PIN1: variants seen among roughly 807,000 people sequenced by gnomAD.
PIN1 encodes the protein peptidylprolyl cis/trans isomerase, NIMA-interacting 1.
PIN1 carries 8 observed loss-of-function variants against 19.9 expected under a neutral mutation model. The observed-to-expected ratio is 0.40, with a 90% CI of 0.24 to 0.72. The LOEUF is 0.72. PIN1 is among the 30% of genes least tolerant of loss of function. The pLI is 0.37. For missense variants in PIN1, 185 were observed against 226.5 expected (o/e 0.82, Z 1.18); for synonymous variants, 86 against 90.8 (o/e 0.95, Z 0.30).
At position 9,849,403 on chromosome 19, in the gene PIN1, C is replaced by T. The variant is rs182032317; in HGVS notation, c.*204C>T. Reference sequence around the variant, plus strand: ...CCCTGTCCATCCCCAGTTGGGGCTGCGACCGCCAGATTCTCCCTTAAGGAA... The same window carrying T: ...CCCTGTCCATCCCCAGTTGGGGCTGTGACCGCCAGATTCTCCCTTAAGGAA... On this transcript the variant is annotated 3_prime_UTR_variant, in exon 4 of 4. Transcript: ENST00000247970. The T allele has an allele frequency of 9.9e-5, 72 of 725,820 alleles. 2 individuals are homozygous for T. In the East Asian group the frequency reaches 1.6e-3, roughly 16 times the overall value. 45.0% of individuals were successfully genotyped at this position (725,820 alleles called of 1,614,324 possible).
At chr19:9,836,866 G>T in intron 1 of PIN1, 1 of 1,286,598 alleles carries the variant, frequency 7.8e-7, no homozygotes, top group Non-Finnish European at 1.0e-6. Context: ...CATTCCCAGA[G>T]ATGCAAAAGG....
rs1302264353 is a variant in PIN1 at position 9,849,198 on chromosome 19, G to A, written c.491G>A (p.Ter164=). Residue 164 remains the stop codon, a stop_retained_variant, in exon 4 of 4, where the codon TGA becomes TAA. Coordinates refer to ENST00000247970, the MANE Select transcript of PIN1 (RefSeq NM_006221.4). ...ATCCACATCATCCTCCGCACTGAGT[G>A]AGGGTGGGGAGCCCAGGCCTGGCCT... ...SGIHIILRTE[*] is the part of the protein sequence containing the mutation. 6.2e-7 allele frequency: 1 copy of A among 1,601,754 alleles called. No individual in the cohort carries two copies. The highest frequency in any genetic ancestry group is 1.3e-5 in the African/African-American group (1 of 74,668).
At chr19:9,842,757 C>T (rs890606282) in intron 2 of PIN1, among the ~76,000 whole-genome samples, 4 of 152,188 alleles carry the variant, frequency 2.6e-5, no homozygotes, top group African/African-American at 7.2e-5. Context: ...GCAGTGTCGG[C>T]GCAGGCATTG....
chr19:9,838,589 C>T lies in PIN1; in HGVS notation c.212C>T (p.Ser71Leu), dbSNP rs1175807870. ...LVKHSQSRRP[S>L]SWRQEKITRT... Reference sequence around the variant, plus strand: ...AAGCACAGCCAGTCACGGCGGCCCTCGTCCTGGCGGCAGGAGAAGATCACC... The same window carrying T: ...AAGCACAGCCAGTCACGGCGGCCCTTGTCCTGGCGGCAGGAGAAGATCACC... The change falls in exon 2 of 4, where the codon TCG becomes TTG. Residue 71 changes from serine to leucine, a missense_variant. By Grantham distance (145) the Ser-to-Leu change is moderately radical. Coordinates refer to ENST00000247970, the MANE Select transcript of PIN1 (RefSeq NM_006221.4). The surrounding 1 kb of genome is among the most constrained non-coding windows in gnomAD (Gnocchi z 5.8). 7 of 1,559,082 alleles carry T rather than the reference C, an allele frequency of 4.5e-6. No individual in the cohort carries two copies. Among genetic ancestry groups the T allele is most frequent in the South Asian group, 3.5e-5 (3 of 84,718 alleles).
intron 2 of PIN1, among the ~76,000 whole-genome samples, chr19:9,840,447 G>A (rs1365877255): frequency 6.6e-6 from 1 of 152,166 alleles, no homozygotes; most frequent in Admixed American, 6.5e-5. Context: ...AGTTGTGTCT[G>A]ATGCCTTTCT....
At chr19:9,837,384 C>G (rs1238942910) in intron 1 of PIN1, 1 of 157,668 alleles carries the variant, frequency 6.3e-6, no homozygotes, top group Non-Finnish European at 1.4e-5. Context: ...GAGCTCCTAA[C>G]CTCAGGTGAT....
At chr19:9,842,162 G>A (rs759769853) in intron 2 of PIN1, among the ~76,000 whole-genome samples, 1 of 152,176 alleles carries the variant, frequency 6.6e-6, no homozygotes, top group Non-Finnish European at 1.5e-5. Flanking sequence ...GGTGTGACTT[G>A]AACTTGGGGG....
At chr19:9,844,287 G>C (rs1167771686) in intron 2 of PIN1, among the ~76,000 whole-genome samples, 1 of 152,182 alleles carries the variant, frequency 6.6e-6, no homozygotes, top group Non-Finnish European at 1.5e-5. Context: ...TCACTCCTTG[G>C]AACAGGCTCC....
Position 9,838,625 on chromosome 19 carries a change from A to G in PIN1, c.248A>G (p.Glu83Gly). ...CAGGAGAAGATCACCCGGACCAAGG[A>G]GGAGGCCCTGGAGCTGATCAACGGT... ...WRQEKITRTK[E>G]EALELINGYI... is the part of the protein sequence containing the mutation. The change falls in exon 2 of 4, where the codon GAG (glutamate) becomes GGG (glycine). Residue 83 changes from glutamate to glycine, a missense_variant. Transcript: ENST00000247970. This position sits in a 1 kb window ranked among gnomAD's most constrained non-coding sequence, Gnocchi z 5.8. 6.5e-7 allele frequency: 1 copy of G among 1,547,552 alleles called. No homozygotes were observed. The highest frequency in any genetic ancestry group is 8.7e-7 in the Non-Finnish European group (1 of 1,147,598).
intron 3 of PIN1, among the ~76,000 whole-genome samples, chr19:9,848,808 G>A (rs867113956): frequency 2.6e-5 from 4 of 152,170 alleles, no homozygotes; most frequent in Non-Finnish European, 5.9e-5. Context: ...AGGGAGACGA[G>A]TTCACTACCG....
At chr19:9,848,372 G>A in intron 3 of PIN1, 2 of 552,068 alleles carry the variant, frequency 3.6e-6, no homozygotes, top group Non-Finnish European at 6.5e-6. Flanking sequence ...TACCCTGGGG[G>A]GCATGGTCTC....
intron 2 of PIN1, among the ~76,000 whole-genome samples, chr19:9,839,442 G>A (rs1178696730): frequency 6.6e-6 from 1 of 151,368 alleles, no homozygotes; most frequent in Non-Finnish European, 1.5e-5. Context: ...AAGAGGTAGT[G>A]AGTGCCAGTA....
At chr19:9,842,474 T>C (rs1271092375) in intron 2 of PIN1, among the ~76,000 whole-genome samples, 3 of 152,132 alleles carry the variant, frequency 2.0e-5, no homozygotes, top group South Asian at 2.1e-4. Context: ...GCCCCAGTCA[T>C]TGGGGTGTGG....
Position 9,838,425 on chromosome 19 carries a change from C to G in PIN1, c.59-11C>G. 2 of 1,591,002 alleles carry G rather than the reference C, an allele frequency of 1.3e-6. No homozygotes were observed. The highest frequency in any genetic ancestry group is 1.7e-6 in the Non-Finnish European group (2 of 1,170,110). ...AACCCTAGCTGAATTCCTGCCTGCC[C>G]TCCCCTCCAGGCCGAGTGTACTACT... On this transcript the variant is annotated splice_polypyrimidine_tract_variant and intron_variant, in intron 1 of 3. Coordinates refer to ENST00000247970, the MANE Select transcript of PIN1 (RefSeq NM_006221.4). The surrounding 1 kb of genome is among the most constrained non-coding windows in gnomAD (Gnocchi z 5.8).
At chr19:9,835,495 C>T (rs2046093279) in intron 1 of PIN1, 93 bp downstream of exon 1, 2 of 864,462 alleles carry the variant, frequency 2.3e-6, no homozygotes, top group Admixed American at 4.1e-5. Flanking sequence ...GCGCTGCCTC[C>T]CTCCCATGGG....
In PIN1 at chr19:9,849,530, C is replaced by G. The variant is rs1470041727; in HGVS notation, c.*331C>G. The G allele has an allele frequency of 1.6e-6, 1 of 633,786 alleles. No homozygotes were observed. The highest frequency in any genetic ancestry group is 3.0e-6 in the Non-Finnish European group (1 of 333,762). 39.3% of individuals were successfully genotyped at this position (633,786 alleles called of 1,614,324 possible). ...TCAGCAGAGCCGCCCCGTGTCCCCCCAGGTGCTGGAGGCAGACTCGAGGGC... is the reference window on the plus strand; with the variant it reads ...TCAGCAGAGCCGCCCCGTGTCCCCCGAGGTGCTGGAGGCAGACTCGAGGGC... On this transcript the variant is annotated 3_prime_UTR_variant, in exon 4 of 4. Coordinates refer to ENST00000247970, the MANE Select transcript of PIN1 (RefSeq NM_006221.4).
In PIN1 at chr19:9,838,356, C is replaced by A; in HGVS notation, c.59-80C>A. On this transcript the variant is annotated intron_variant, in intron 1 of 3. Transcript: ENST00000247970. This position sits in a 1 kb window ranked among gnomAD's most constrained non-coding sequence, Gnocchi z 5.8. Reference sequence around the variant, plus strand: ...AGGCGCCCCCTGCAAGCCAGGCCCTCACCCTGGCTTCTGGCTGTGGGCCCA... The same window carrying A: ...AGGCGCCCCCTGCAAGCCAGGCCCTAACCCTGGCTTCTGGCTGTGGGCCCA... 1 of 1,142,814 alleles carries A rather than the reference C, an allele frequency of 8.8e-7. No homozygotes were observed. Among genetic ancestry groups the A allele is most frequent in the Non-Finnish European group, 1.3e-6 (1 of 774,966 alleles). 70.8% of individuals were successfully genotyped at this position (1,142,814 alleles called of 1,614,324 possible).
Position 9,840,729 on chromosome 19 carries a change from T to A in PIN1, c.271+2081T>A, listed in dbSNP as rs1361487346. On this transcript the variant is annotated intron_variant, in intron 2 of 3. Coordinates refer to ENST00000247970, the MANE Select transcript of PIN1 (RefSeq NM_006221.4). ...CTCCCACCTCAGCCTCCCAAGTAGCTGGGACTGCAGGCTCATAACACCACA... is the reference window on the plus strand; with the variant it reads ...CTCCCACCTCAGCCTCCCAAGTAGCAGGGACTGCAGGCTCATAACACCACA... Among the ~76,000 whole-genome samples, 5 of 152,276 alleles carry A rather than the reference T, an allele frequency of 3.3e-5. No homozygotes were observed. The East Asian group carries it at 5.8e-4, about 18-fold the overall frequency.
At chr19:9,840,910 A>G (rs1325361249) in intron 2 of PIN1, among the ~76,000 whole-genome samples, 2 of 152,114 alleles carry the variant, frequency 1.3e-5, no homozygotes, top group African/African-American at 4.8e-5. Context: ...AGTCTTTTTC[A>G]TTTATAAAAT....
Sources: allele counts gnomAD v4.1 joint callset (sites outside exome capture counted in the v4.1 genomes callset), GRCh38; gene constraint gnomAD v4.1.1; non-coding constraint Gnocchi (gnomAD v3.1); transcripts MANE v1.5; gene names NCBI Gene and HGNC (gene_info 2026-07-23, HGNC 2026-07-21).